Variants in COMT observed in about 807,000 individuals in gnomAD.
The protein encoded by COMT is catechol-O-methyltransferase, also known as catechol O-methyltransferase.
In COMT, 13 loss-of-function variants were observed where a neutral mutation model predicts 18.9. The ratio of observed to expected loss-of-function variants is 0.69; its 90% confidence interval spans 0.45 to 1.09. COMT has a LOEUF of 1.09. COMT is among the 50% of genes least tolerant of loss of function. The pLI is 0.00. For missense variants in COMT, 329 were observed against 361.8 expected, an observed-to-expected ratio of 0.91 and a Z score of 0.73; for synonymous variants, 150 against 160.9, an observed-to-expected ratio of 0.93 and a Z score of 0.51.
Position 19,968,569 on chromosome 22 carries a change from C to T in COMT, c.649C>T (p.Leu217=). Residue 217 remains leucine (L), a synonymous_variant, in exon 6 of 6, where the codon CTG becomes TTG. Coordinates refer to ENST00000361682, the MANE Select transcript of COMT (RefSeq NM_000754.4). The part of the protein sequence containing the change: ...CGLLRKGTVL[L]ADNVICPGAP... ...CCTGCTGCGGAAGGGGACAGTGCTA[C>T]TGGCTGACAACGTGATCTGCCCAGG... 1 of 1,614,096 alleles carries T rather than the reference C, an allele frequency of 6.2e-7. No individual in the cohort carries two copies. The highest frequency in any genetic ancestry group is 1.1e-5 in the South Asian group (1 of 91,082).
At chr22:19,961,023 G>C (rs1482268719) in intron 1 of COMT, among the ~76,000 whole-genome samples, 176 bp from the exon 2 acceptor site, 2 of 152,228 alleles carry the variant, frequency 1.3e-5, no homozygotes, top group Non-Finnish European at 2.9e-5. Context: ...GCCTCTCTGA[G>C]GCCTTCTGCT....
At chr22:19,968,413 TG>T in intron 5 of COMT, 122 bp from the exon 6 acceptor site, 2 of 957,832 alleles carry the variant, frequency 2.1e-6, no homozygotes, top group Non-Finnish European at 3.3e-6. Flanking sequence ...AGTGGAAACC[TG>T]GCCCCAGGGG....
At chr22:19,964,123 G>A (rs1483654105) in intron 4 of COMT, 45 bp from the exon 5 acceptor site, 3 of 1,613,716 alleles carry the variant, frequency 1.9e-6, no homozygotes, top group African/African-American at 1.3e-5. Flanking sequence ...TGTAGGGATG[G>A]CCTCCTGTCT....
rs747273077 is a variant in COMT at position 19,941,782 on chromosome 22, G to C, written c.-207G>C. Reference sequence around the variant, plus strand: ...CGGAAGCGCCCTCCTAATCCCCGCAGCGCCACCGCCATTGCCGCCATCGTC... The same window carrying C: ...CGGAAGCGCCCTCCTAATCCCCGCACCGCCACCGCCATTGCCGCCATCGTC... On this transcript the variant is annotated 5_prime_UTR_variant, in exon 1 of 6. Coordinates refer to ENST00000361682, the MANE Select transcript of COMT (RefSeq NM_000754.4). 8 of 1,528,840 alleles carry C rather than the reference G, an allele frequency of 5.2e-6. No homozygotes were observed. The highest frequency in any genetic ancestry group is 7.0e-6 in the Non-Finnish European group (8 of 1,148,136). The allele number at this position is 1,528,840 out of a possible 1,614,324, so 94.7% of individuals were successfully genotyped here.
intron 1 of COMT, among the ~76,000 whole-genome samples, chr22:19,949,714 C>T (rs1189910959): frequency 1.3e-5 from 2 of 152,202 alleles, no homozygotes; most frequent in Non-Finnish European, 2.9e-5. Context: ...TCTCCAACCT[C>T]AGCCCCCTAA....
chr22:19,943,502 C>T (rs777740712), intron 1 of COMT, among the ~76,000 whole-genome samples: 28 of 152,020 alleles, frequency 1.8e-4, no homozygotes, highest in East Asian at 1.9e-4. Flanking sequence ...ATTAGCCCGG[C>T]GTGGTGGCAT....
intron 3 of COMT, 48 bp from the exon 4 acceptor site, chr22:19,963,518 C>T: frequency 2.5e-6 from 4 of 1,600,016 alleles, no homozygotes; most frequent in Non-Finnish European, 3.4e-6. Context: ...TCCAAGTTCC[C>T]CTCTCTCCAC....
chr22:19,943,424 A>G (rs1941778731), intron 1 of COMT, among the ~76,000 whole-genome samples: 1 of 152,152 alleles, frequency 6.6e-6, no homozygotes, highest in Admixed American at 6.5e-5. Context: ...GAGGAGGATC[A>G]CTTGAGGCCA....
intron 1 of COMT, among the ~76,000 whole-genome samples, chr22:19,960,626 G>A (rs1250957269): frequency 5.3e-5 from 8 of 152,244 alleles, no homozygotes; most frequent in African/African-American, 1.7e-4. Context: ...AGCAGCAGAA[G>A]GCAGCACGAT....
At chr22:19,957,314 ACTC>A (rs1029228743) in intron 1 of COMT, among the ~76,000 whole-genome samples, 6 of 151,796 alleles carry the variant, frequency 4.0e-5, no homozygotes, top group African/African-American at 1.5e-4. Context: ...GGTCCCAGCT[ACTC>A]AGGAGGATGC....
In COMT at chr22:19,962,577, G is replaced by C; in HGVS notation, c.51G>C (p.Val17=). 6.4e-7 allele frequency: 1 copy of C among 1,572,310 alleles called. No homozygotes were observed. Residue 17 remains valine (V), a synonymous_variant, in exon 3 of 6, where the codon GTG becomes GTC. Transcript: ENST00000361682. The part of the protein sequence containing the change: ...LLLAAVLLGL[V]LLVVLLLLLR... ...TGGCAGCTGTGTTGCTGGGCCTGGTGCTGCTGGTGGTGCTGCTGCTGCTTC... is the reference window on the plus strand; with the variant it reads ...TGGCAGCTGTGTTGCTGGGCCTGGTCCTGCTGGTGGTGCTGCTGCTGCTTC...
chr22:19,961,008 C>T (rs991117686), intron 1 of COMT, among the ~76,000 whole-genome samples, 191 bp from the exon 2 acceptor site: 1 of 152,180 alleles, frequency 6.6e-6, no homozygotes, highest in African/African-American at 2.4e-5. Context: ...TAGGGATGTC[C>T]CTTGGCCTCT....
In COMT at chr22:19,949,602, A is replaced by AT. The variant is rs1030919075; in HGVS notation, c.-92+7715dup. Among the ~76,000 whole-genome samples, 291 of 147,916 alleles carry AT rather than the reference A, an allele frequency of 2.0e-3. 2 individuals are homozygous for AT. The highest frequency in any genetic ancestry group is 6.5e-3 in the African/African-American group (262 of 40,304). On this transcript the variant is annotated intron_variant, in intron 1 of 5. Coordinates refer to ENST00000361682, the MANE Select transcript of COMT (RefSeq NM_000754.4). ...TAATTTTTAACCATTAGTAACCGGT[A>AT]TTTTTTTTTTAAAGAGACAGCGTCT...
chr22:19,968,433 A>T, intron 5 of COMT, 103 bp from the exon 6 acceptor site: 1 of 1,129,252 alleles, frequency 8.9e-7, no homozygotes, highest in Non-Finnish European at 1.3e-6. Context: ...GGCTAGGCAC[A>T]GGCGTGGTGC....
At chr22:19,967,524 G>A (rs764006037) in intron 5 of COMT, 14 of 389,686 alleles carry the variant, frequency 3.6e-5, no homozygotes, top group African/African-American at 6.3e-5. Flanking sequence ...TCACATGAAA[G>A]CCCCCTGCTT....
intron 5 of COMT, chr22:19,967,197 G>A (rs562927287): frequency 6.1e-5 from 80 of 1,304,720 alleles, no homozygotes; most frequent in Admixed American, 3.2e-4. Flanking sequence ...GTCCGCTGAC[G>A]TCTTCTGTAT....
rs748066830 is a variant in COMT, at chr22:19,962,621, G to A, written c.95G>A (p.Gly32Asp). 1 of 1,603,792 alleles carries A rather than the reference G, an allele frequency of 6.2e-7. No homozygotes were observed. Among genetic ancestry groups the A allele is most frequent in the Non-Finnish European group, 8.5e-7 (1 of 1,175,474 alleles). The change falls in exon 3 of 6, where the codon GGC (glycine) becomes GAC (aspartate). Residue 32 changes from glycine to aspartate, a missense_variant. Gly to Asp is a moderately conservative substitution (Grantham distance 94). Transcript: ENST00000361682. The stretch of plus-strand genomic sequence containing the variant: ...CTGCTTCTGAGGCACTGGGGCTGGG[G>A]CCTGTGCCTTATCGGCTGGAACGAG... ...LLLLLRHWGW[G>D]LCLIGWNEFI...
rs763653202 is a variant in COMT, at chr22:19,961,220, C to G, written c.-70C>G. The G allele has an allele frequency of 6.6e-6, 1 of 152,300 alleles. No individual in the cohort carries two copies. 9.4% of individuals were successfully genotyped at this position (152,300 alleles called of 1,614,324 possible). ...ACAGAAATAACATCTGCTTTGCTGC[C>G]GAGCTCAGAGGAGACCCCAGACCCC... On this transcript the variant is annotated 5_prime_UTR_variant, in exon 2 of 6. Transcript: ENST00000361682.
intron 5 of COMT, among the ~76,000 whole-genome samples, chr22:19,966,394 A>C (rs1942392885): frequency 6.6e-6 from 1 of 151,090 alleles, no homozygotes; most frequent in African/African-American, 2.4e-5. Flanking sequence ...TGTAGTCACC[A>C]AGTCCAGCCC....
Sources: gnomAD v4.1 joint callset for allele counts (sites outside exome capture counted in the v4.1 genomes callset) on GRCh38, gnomAD v4.1.1 for gene constraint, MANE v1.5 for transcripts, NCBI Gene and HGNC (gene_info 2026-07-23, HGNC 2026-07-21) for gene names.